PCDH15: variants seen among roughly 807,000 people sequenced by gnomAD.
PCDH15 encodes the protein protocadherin-15.
In PCDH15, 129 loss-of-function variants were observed where a neutral mutation model predicts 178.5. That is an observed-to-expected ratio of 0.72 (90% confidence interval 0.63 to 0.84). PCDH15 has a LOEUF of 0.84. Among genes scored for constraint, PCDH15 ranks in the 40% least tolerant of loss-of-function variants. The pLI is 0.00. For missense variants in PCDH15, 2,230 were observed against 2,099.9 expected (o/e 1.06, Z -1.21); for synonymous variants, 800 against 732.0 (o/e 1.09, Z -1.50).
intron 3 of PCDH15, among the ~76,000 whole-genome samples, chr10:54,386,959 A>G (rs1170269595): frequency 1.3e-5 from 2 of 152,174 alleles, no homozygotes; most frequent in South Asian, 2.1e-4. Flanking sequence ...TAATAACAAT[A>G]TATTGTACAC....
At chr10:53,839,556 T>A (rs2077515827) in intron 29 of PCDH15, among the ~76,000 whole-genome samples, 1 of 152,182 alleles carries the variant, frequency 6.6e-6, no homozygotes, top group Non-Finnish European at 1.5e-5. Flanking sequence ...ACATATAAAC[T>A]ATTATGATTG....
intron 23 of PCDH15, among the ~76,000 whole-genome samples, chr10:53,947,006 G>A (rs566735506): frequency 1.8e-4 from 27 of 152,176 alleles, no homozygotes; most frequent in African/African-American, 6.3e-4. Context: ...TTGAACTCCT[G>A]ACCTCATGAT....
chr10:54,438,083 A>G (rs1363941729), intron 3 of PCDH15, among the ~76,000 whole-genome samples: 2 of 151,978 alleles, frequency 1.3e-5, no homozygotes, highest in Admixed American at 1.3e-4. Flanking sequence ...GTAAATTAAA[A>G]CTACAATTTT....
At chr10:54,169,208 C>A (rs1244374052) in intron 13 of PCDH15, among the ~76,000 whole-genome samples, 1 of 118,484 alleles carries the variant, frequency 8.4e-6, no homozygotes, top group East Asian at 2.0e-4. Context: ...CAGATCTTCT[C>A]GGCTTAGCGG....
chr10:54,796,282 GTATCTATCTATCTATC>G (rs57641746), intron 1 of PCDH15, among the ~76,000 whole-genome samples: 7 of 126,434 alleles, frequency 5.5e-5, no homozygotes, highest in East Asian at 4.7e-4. Flanking sequence ...ATGTATCTAT[GTATCTATCTATCTATC>G]TATCTATCTA....
chr10:55,032,329 T>C (rs1427582176), intron 2 of PCDH15, among the ~76,000 whole-genome samples: 4 of 152,160 alleles, frequency 2.6e-5, no homozygotes, highest in Non-Finnish European at 4.4e-5. Flanking sequence ...TCAGGATATC[T>C]GACAAAAAAA....
At chr10:54,047,684 C>G (rs1231483295) in intron 18 of PCDH15, among the ~76,000 whole-genome samples, 1 of 151,936 alleles carries the variant, frequency 6.6e-6, no homozygotes, top group African/African-American at 2.4e-5. Context: ...GTTTTCTGTC[C>G]CTGCATTAAT....
At chr10:53,825,124 T>C (rs983761876) in intron 32 of PCDH15, 7 of 1,539,898 alleles carry the variant, frequency 4.5e-6, no homozygotes, top group Non-Finnish European at 6.1e-6. Context: ...TAGAGTGATA[T>C]TATTTACTTA....
chr10:53,825,245 T>A lies in PCDH15; in HGVS notation c.4367+2148A>T. 9 of 1,345,276 alleles carry A rather than the reference T, an allele frequency of 6.7e-6. No individual in the cohort carries two copies. The South Asian group carries it at 1.3e-4, about 20-fold the overall frequency. 83.3% of individuals were successfully genotyped at this position (1,345,276 alleles called of 1,614,324 possible). On this transcript the variant is annotated intron_variant, in intron 32 of 37. Transcript: ENST00000644397. ...CTGAAAATATGAGCAGGAACTTGCTTTAAACAAACACTTAGTACGTATATC... is the reference window on the plus strand; with the variant it reads ...CTGAAAATATGAGCAGGAACTTGCTATAAACAAACACTTAGTACGTATATC...
At chr10:55,042,654 G>A (rs1402645489) in intron 2 of PCDH15, among the ~76,000 whole-genome samples, 2 of 152,138 alleles carry the variant, frequency 1.3e-5, no homozygotes, top group Non-Finnish European at 2.9e-5. Flanking sequence ...AAGTCAAAGG[G>A]ATATATATAT....
At chr10:55,428,396 C>T (rs1317312749) in intron 2 of PCDH15, among the ~76,000 whole-genome samples, 2 of 151,850 alleles carry the variant, frequency 1.3e-5, no homozygotes, top group African/African-American at 4.8e-5. Flanking sequence ...AGTTCTCTAT[C>T]ATTATGAAAT....
At chr10:54,241,377 G>T (rs1468367821) in intron 8 of PCDH15, among the ~76,000 whole-genome samples, 3 of 152,176 alleles carry the variant, frequency 2.0e-5, no homozygotes, top group African/African-American at 7.2e-5. Context: ...TTTATGGAAA[G>T]TATCAAAATG....
At chr10:54,224,257 A>G (rs143884004) in intron 9 of PCDH15, among the ~76,000 whole-genome samples, 29 of 152,306 alleles carry the variant, frequency 1.9e-4, no homozygotes, top group African/African-American at 6.5e-4. Flanking sequence ...GTAGAACAAA[A>G]ACAATTATAA....
At chr10:55,359,387 C>T (rs536511925) in intron 2 of PCDH15, among the ~76,000 whole-genome samples, 1 of 151,900 alleles carries the variant, frequency 6.6e-6, no homozygotes, top group Non-Finnish European at 1.5e-5. Context: ...ATTCTTAAGA[C>T]AGTTATGTTT....
intron 2 of PCDH15, among the ~76,000 whole-genome samples, chr10:55,069,194 C>T (rs1033746440): frequency 1.3e-5 from 2 of 151,548 alleles, no homozygotes; most frequent in Non-Finnish European, 2.9e-5. Flanking sequence ...AGCCACTGCA[C>T]CCAGACTGTA....
chr10:54,245,571 A>G (rs907375895), intron 8 of PCDH15, among the ~76,000 whole-genome samples: 2 of 152,132 alleles, frequency 1.3e-5, no homozygotes, highest in Admixed American at 6.6e-5. Flanking sequence ...AGAAAAACAC[A>G]TGTATTAGAA....
At chr10:55,547,892 T>G (rs67813885) in intron 2 of PCDH15, among the ~76,000 whole-genome samples, 2,226 of 55,578 alleles carry the variant, frequency 0.04, 87 homozygotes, top group African/African-American at 0.13. Flanking sequence ...AGGTGGTGTG[T>G]GTGTCTGTGT....
intron 2 of PCDH15, among the ~76,000 whole-genome samples, chr10:55,431,691 G>A (rs958186538): frequency 1.2e-4 from 18 of 152,160 alleles, no homozygotes; most frequent in Middle Eastern, 3.4e-3. Flanking sequence ...CACACTAAAT[G>A]AGTAAGCCGT....
In PCDH15 at chr10:53,827,537, T is replaced by C. The variant is rs1180277121; in HGVS notation, c.4223A>G (p.Glu1408Gly). The change falls in exon 32 of 38, where the codon GAG becomes GGG. Residue 1408 changes from glutamate to glycine, a missense_variant. Physicochemically the swap from Glu to Gly is moderately conservative, Grantham distance 98. Transcript: ENST00000644397. ...CTGAATTCGTGCAGTCTTTGTACAC[T>C]CAGCTTGACGTCTTGGATAAAGTAA... ...SYRQFKVRQA[E>G]CTKTARIQAA... The C allele has an allele frequency of 1.9e-6, 3 of 1,614,134 alleles. No individual in the cohort carries two copies. Among genetic ancestry groups the C allele is most frequent in the Middle Eastern group, 1.6e-4 (1 of 6,062 alleles).
Sources: allele counts gnomAD v4.1 joint callset (sites outside exome capture counted in the v4.1 genomes callset), GRCh38; gene constraint gnomAD v4.1.1; transcripts MANE v1.5; gene names NCBI Gene and HGNC (gene_info 2026-07-23, HGNC 2026-07-21).